TMEM120B: variants seen among roughly 807,000 people sequenced by gnomAD.
TMEM120B encodes transmembrane protein 120B.
TMEM120B carries 31 observed loss-of-function variants against 55.5 expected under a neutral mutation model. That is an observed-to-expected ratio of 0.56 (90% CI 0.42 to 0.75). TMEM120B has a LOEUF of 0.75. TMEM120B is among the 30% of genes least tolerant of loss of function. TMEM120B has a pLI of 0.00. For missense variants in TMEM120B, 399 were observed against 425.5 expected (o/e 0.94, Z 0.55); for synonymous variants, 203 against 176.3 (o/e 1.15, Z -1.20).
intron 4 of TMEM120B, among the ~76,000 whole-genome samples, chr12:121,750,983 A>C (rs1412705659): frequency 8.5e-5 from 3 of 35,492 alleles, no homozygotes; most frequent in Non-Finnish European, 1.5e-4. Context: ...CCACACCCAC[A>C]CCCCACACCC....
intron 10 of TMEM120B, 125 bp from the exon 11 acceptor site, chr12:121,774,937 G>A: frequency 8.7e-7 from 1 of 1,152,506 alleles, no homozygotes; most frequent in Non-Finnish European, 1.3e-6. Context: ...CATTTTGGGG[G>A]TGTCTGTCAG....
At chr12:121,715,566 A>C (rs2136947542) in intron 1 of TMEM120B, among the ~76,000 whole-genome samples, 1 of 152,182 alleles carries the variant, frequency 6.6e-6, no homozygotes, top group East Asian at 1.9e-4. Context: ...GGTCTGAGTG[A>C]GTGGAAACTG....
At chr12:121,752,308 G>T in intron 5 of TMEM120B, 85 bp downstream of exon 5, 2 of 1,131,914 alleles carry the variant, frequency 1.8e-6, no homozygotes, top group East Asian at 2.4e-5. Context: ...GGGACCCGGA[G>T]CCTCTCCTGC....
rs1186803728 is a variant in TMEM120B, at chr12:121,779,380, AGCC to A, written c.*3661_*3663del. On this transcript the variant is annotated 3_prime_UTR_variant, in exon 12 of 12. Transcript: ENST00000449592. ...GAGTTCCAGAATGTTCCAAGAGTCT[AGCC>A]GCAGGCCCCAGACACCATGAGCTGG... is the stretch of plus-strand genomic sequence containing the variant. 54 of 1,086,396 alleles carry A rather than the reference AGCC, an allele frequency of 5.0e-5. No individual in the cohort carries two copies. The East Asian group carries it at 1.2e-3, about 24-fold the overall frequency. 67.3% of individuals were successfully genotyped at this position (1,086,396 alleles called of 1,614,324 possible). A position where few individuals can be genotyped will look rare whatever the true frequency, so the allele number is the denominator to read the frequency against.
chr12:121,748,299 C>T, intron 2 of TMEM120B, 27 bp from the exon 3 acceptor site: 1 of 1,579,192 alleles, frequency 6.3e-7, no homozygotes, highest in Non-Finnish European at 8.7e-7. Context: ...GACGCCCCTT[C>T]CCCTGTGCCT....
At chr12:121,721,814 T>TTTTTCC (rs1555329890) in intron 1 of TMEM120B, among the ~76,000 whole-genome samples, 1 of 134,504 alleles carries the variant, frequency 7.4e-6, no homozygotes. Flanking sequence ...CTTTTTTTTT[T>TTTTTCC]TTTTTTTTTT....
chr12:121,713,244 C>T (rs1423381725), intron 1 of TMEM120B, among the ~76,000 whole-genome samples: 1 of 152,180 alleles, frequency 6.6e-6, no homozygotes, highest in Non-Finnish European at 1.5e-5. Flanking sequence ...TGGTCTGTGG[C>T]CTCTGAGGCA....
chr12:121,728,189 G>A (rs773927886), intron 1 of TMEM120B, among the ~76,000 whole-genome samples: 62 of 151,550 alleles, frequency 4.1e-4, no homozygotes, highest in Non-Finnish European at 5.5e-4. Flanking sequence ...TGTATTTTTA[G>A]TAGGGAATGG....
intron 1 of TMEM120B, among the ~76,000 whole-genome samples, chr12:121,723,187 GA>G (rs1243960385): frequency 6.6e-6 from 1 of 152,056 alleles, no homozygotes; most frequent in African/African-American, 2.4e-5. Flanking sequence ...TTTTAAGAGA[GA>G]GGGGGGTCTA....
intron 1 of TMEM120B, among the ~76,000 whole-genome samples, chr12:121,719,402 T>A (rs748536185): frequency 3.9e-5 from 6 of 152,006 alleles, no homozygotes; most frequent in Non-Finnish European, 7.4e-5. Flanking sequence ...CTGGGCAATG[T>A]AGTAAGACCC....
Position 121,761,672 on chromosome 12 carries a change from TC to T in TMEM120B, c.487del (p.Leu163CysfsTer9), listed in dbSNP as rs1272950089. On this transcript the variant is annotated frameshift_variant, in exon 6 of 12. Transcript: ENST00000449592. LOFTEE classifies it high-confidence loss of function. ...HYRVTDEVFNFLLVWYYCTLT... is the reference protein window; with the variant it reads ...HYRVTDEVFNXLLVWYYCTLT... ...AGGGTGACTGACGAAGTCTTCAACTTCCTGCTGGTGTGGTATTACTGCACCC... is the reference window on the plus strand; with the variant it reads ...AGGGTGACTGACGAAGTCTTCAACTTCTGCTGGTGTGGTATTACTGCACCC... 3 of 1,613,946 alleles carry T rather than the reference TC, an allele frequency of 1.9e-6. No individual in the cohort carries two copies. Among genetic ancestry groups the T allele is most frequent in the East Asian group, 2.2e-5 (1 of 44,874 alleles).
rs772691938 is a variant in TMEM120B at position 121,775,638 on chromosome 12, C to A, written c.936C>A (p.Ile312=). ...QVFVLAFTFL[I]LFLGNFLTTL... ...TCGTACTGGCGTTCACCTTCCTCAT[C>A]CTCTTCCTCGGCAACTTCCTGACCA... is the stretch of plus-strand genomic sequence containing the variant. Residue 312 remains isoleucine (I), a synonymous_variant, in exon 12 of 12, where the codon ATC becomes ATA. Coordinates refer to ENST00000449592, the MANE Select transcript of TMEM120B (RefSeq NM_001080825.2). This position sits in a 1 kb window ranked among gnomAD's most constrained non-coding sequence, Gnocchi z 4.3. 2 of 1,614,006 alleles carry A rather than the reference C, an allele frequency of 1.2e-6. No individual in the cohort carries two copies.
At chr12:121,727,579 G>C (rs1313201881) in intron 1 of TMEM120B, among the ~76,000 whole-genome samples, 2 of 149,252 alleles carry the variant, frequency 1.3e-5, no homozygotes, top group Non-Finnish European at 3.0e-5. Context: ...CTGGTTAAGA[G>C]ATTCGTAACA....
chr12:121,766,244 G>A (rs972824273), intron 6 of TMEM120B, among the ~76,000 whole-genome samples: 22 of 152,094 alleles, frequency 1.4e-4, no homozygotes, highest in African/African-American at 4.8e-4. Flanking sequence ...AGCCACCCTC[G>A]GTTTGTGTCT....
intron 1 of TMEM120B, among the ~76,000 whole-genome samples, chr12:121,735,234 C>T (rs1262386512): frequency 4.0e-5 from 6 of 149,102 alleles, no homozygotes. Context: ...AACCTCCCAA[C>T]TTAGTGAAAA....
At chr12:121,741,125 A>G (rs1200048274) in intron 1 of TMEM120B, among the ~76,000 whole-genome samples, 1 of 152,094 alleles carries the variant, frequency 6.6e-6, no homozygotes, top group Admixed American at 6.6e-5. Flanking sequence ...CTTACTGAGC[A>G]TACAAAATTA....
chr12:121,722,283 G>C (rs1305685148), intron 1 of TMEM120B, among the ~76,000 whole-genome samples: 1 of 151,946 alleles, frequency 6.6e-6, no homozygotes, highest in Non-Finnish European at 1.5e-5. Context: ...ATTTGTAGTA[G>C]ATACGGGGTT....
chr12:121,745,775 C>T (rs1485921443), intron 2 of TMEM120B, among the ~76,000 whole-genome samples: 2 of 152,096 alleles, frequency 1.3e-5, no homozygotes, highest in Non-Finnish European at 2.9e-5. Context: ...GCCTTGATCT[C>T]CTGGGCTCAA....
At chr12:121,760,619 G>C (rs1443826545) in intron 5 of TMEM120B, among the ~76,000 whole-genome samples, 2 of 152,214 alleles carry the variant, frequency 1.3e-5, no homozygotes, top group African/African-American at 4.8e-5. Flanking sequence ...ACGTGCTTGA[G>C]CCCACTTGCT....
Sources: allele counts gnomAD v4.1 joint callset (sites outside exome capture counted in the v4.1 genomes callset), GRCh38; gene constraint gnomAD v4.1.1; non-coding constraint Gnocchi (gnomAD v3.1); transcripts MANE v1.5; gene names NCBI Gene and HGNC (gene_info 2026-07-23, HGNC 2026-07-21).